The following GRIK1 variants were observed in gnomAD, a reference collection of about 807,000 sequenced individuals.
The protein encoded by GRIK1 is glutamate receptor ionotropic, kainate 1.
A neutral mutation model predicts 105.7 loss-of-function variants in GRIK1; 69 were observed. The ratio of observed to expected loss-of-function variants is 0.65; its 90% CI spans 0.54 to 0.80. GRIK1 has a LOEUF of 0.80. GRIK1 is among the 30% of genes least tolerant of loss of function. The pLI is 0.00. For synonymous variants in GRIK1, 438 were observed against 431.3 expected (o/e 1.02, Z -0.19); for missense variants, 1,109 against 1,167.3 (o/e 0.95, Z 0.73).
chr21:29,765,913 G>A (rs911861114), intron 1 of GRIK1, among the ~76,000 whole-genome samples: 2 of 151,500 alleles, frequency 1.3e-5, no homozygotes, highest in African/African-American at 4.9e-5. Context: ...GTGCAGTGGC[G>A]CGATCTCGGC....
At chr21:29,717,366 C>T (rs2064204088) in intron 1 of GRIK1, among the ~76,000 whole-genome samples, 1 of 152,194 alleles carries the variant, frequency 6.6e-6, no homozygotes, top group Non-Finnish European at 1.5e-5. Context: ...GCACCATGTG[C>T]CTGGAAAAGG....
intron 1 of GRIK1, among the ~76,000 whole-genome samples, chr21:29,792,315 T>C (rs757678145): frequency 1.3e-5 from 2 of 152,190 alleles, no homozygotes; most frequent in Non-Finnish European, 2.9e-5. Context: ...GCCATGATTA[T>C]ATGACACAGA....
chr21:29,894,791 T>G (rs1021465293), intron 1 of GRIK1, among the ~76,000 whole-genome samples: 1 of 152,202 alleles, frequency 6.6e-6, no homozygotes, highest in Non-Finnish European at 1.5e-5. Context: ...CAAAAATTGA[T>G]GAGTGCCCCC....
chr21:29,927,912 A>T (rs1439440675), intron 1 of GRIK1, among the ~76,000 whole-genome samples: 3 of 152,222 alleles, frequency 2.0e-5, no homozygotes, highest in Middle Eastern at 3.4e-3. Context: ...ATATACATAT[A>T]CACACACATA....
At chr21:29,897,312 A>C (rs146185579) in intron 1 of GRIK1, among the ~76,000 whole-genome samples, 235 of 152,332 alleles carry the variant, frequency 1.5e-3, no homozygotes, top group African/African-American at 5.5e-3. Flanking sequence ...CTGACAGTAA[A>C]GCATGCCTGC....
intron 1 of GRIK1, among the ~76,000 whole-genome samples, chr21:29,839,380 G>C (rs1373145946): frequency 6.6e-6 from 1 of 152,094 alleles, no homozygotes; most frequent in Non-Finnish European, 1.5e-5. Flanking sequence ...TTGAGTAAAG[G>C]CTTTGTCCAT....
intron 1 of GRIK1, among the ~76,000 whole-genome samples, chr21:29,932,780 G>T (rs1378072790): frequency 6.6e-6 from 1 of 151,800 alleles, no homozygotes; most frequent in Non-Finnish European, 1.5e-5. Context: ...TAAAAAATCA[G>T]ATAAGCATTT....
chr21:29,623,815 A>T (rs1015264793), intron 7 of GRIK1, among the ~76,000 whole-genome samples: 1 of 152,244 alleles, frequency 6.6e-6, no homozygotes, highest in African/African-American at 2.4e-5. Flanking sequence ...TTCACTAAGT[A>T]TAAAGTGTGG....
intron 4 of GRIK1, among the ~76,000 whole-genome samples, chr21:29,669,894 T>C (rs1034982055): frequency 2.0e-5 from 3 of 152,176 alleles, no homozygotes; most frequent in Non-Finnish European, 4.4e-5. Flanking sequence ...AGTCTCTTTC[T>C]ACAGTTTTTT....
intron 1 of GRIK1, among the ~76,000 whole-genome samples, chr21:29,766,691 A>G (rs913897928): frequency 6.6e-6 from 1 of 152,206 alleles, no homozygotes; most frequent in Non-Finnish European, 1.5e-5. Context: ...GTTCGTGAGC[A>G]TAGTACGATA....
chr21:29,834,842 TA>T lies in GRIK1; in HGVS notation c.118+104540del, dbSNP rs552505930. Reference sequence around the variant, plus strand: ...ATTGAATATTATTTTATTTATTCAATATTACAATTGAATATTATTTTATTTA... The same window carrying T: ...ATTGAATATTATTTTATTTATTCAATTTACAATTGAATATTATTTTATTTA... On this transcript the variant is annotated intron_variant, in intron 1 of 17. Transcript: ENST00000327783. Among the ~76,000 whole-genome samples the T allele has an allele frequency of 2.7e-3, 408 of 150,604 alleles. 1 individual carries two copies. The highest frequency in any genetic ancestry group is 5.2e-3 in the Non-Finnish European group (354 of 67,688).
chr21:29,838,526 G>A (rs916426381), intron 1 of GRIK1, among the ~76,000 whole-genome samples: 6 of 152,114 alleles, frequency 3.9e-5, no homozygotes, highest in South Asian at 2.1e-4. Flanking sequence ...CTGCTCTCCG[G>A]GAGTTCTGGC....
At chr21:29,870,287 A>G (rs891580917) in intron 1 of GRIK1, among the ~76,000 whole-genome samples, 16 of 152,218 alleles carry the variant, frequency 1.1e-4, no homozygotes, top group East Asian at 5.8e-4. Context: ...AACATTTTAT[A>G]TGATTTTCCC....
chr21:29,769,790 G>A (rs1379278795), intron 1 of GRIK1, among the ~76,000 whole-genome samples: 4 of 152,006 alleles, frequency 2.6e-5, no homozygotes, highest in African/African-American at 7.2e-5. Context: ...TCTCCCTTAC[G>A]GCCCTCAGGA....
At position 29,555,082 on chromosome 21, in the gene GRIK1, G is replaced by C; in HGVS notation, c.2577C>G (p.Tyr859Ter). 6.2e-7 allele frequency: 1 copy of C among 1,610,220 alleles called. No individual in the cohort carries two copies. Among genetic ancestry groups the C allele is most frequent in the Non-Finnish European group, 8.5e-7 (1 of 1,176,484 alleles). Residue 859 changes from tyrosine to a stop codon, truncating the protein, a stop_gained, in exon 16 of 18, where the codon TAC (tyrosine) becomes TAG (stop). Coordinates refer to ENST00000327783, the MANE Select transcript of GRIK1 (RefSeq NM_001330994.2). LOFTEE classifies it high-confidence loss of function. ...SVFVAIGEFI[Y>*]KSRKNNDIEQ... Reference sequence around the variant, plus strand: ...CAATATCATTATTCTTCCGTGATTTGTATATGAATTCTCCAATAGCTACAA... The same window carrying C: ...CAATATCATTATTCTTCCGTGATTTCTATATGAATTCTCCAATAGCTACAA...
At chr21:29,568,924 T>C (rs1157546897) in intron 14 of GRIK1, among the ~76,000 whole-genome samples, 1 of 152,260 alleles carries the variant, frequency 6.6e-6, no homozygotes, top group East Asian at 1.9e-4. Context: ...TAAACTGAAT[T>C]GCCTCACTCT....
At chr21:29,737,532 A>G (rs1275710597) in intron 1 of GRIK1, among the ~76,000 whole-genome samples, 1 of 152,242 alleles carries the variant, frequency 6.6e-6, no homozygotes, top group Non-Finnish European at 1.5e-5. Flanking sequence ...TGTTTTTAGC[A>G]CATCAGTTAG....
chr21:29,663,377 A>T (rs1303068204), intron 4 of GRIK1, among the ~76,000 whole-genome samples: 1 of 152,176 alleles, frequency 6.6e-6, no homozygotes, highest in Non-Finnish European at 1.5e-5. Context: ...TCTACCCGTG[A>T]GGGAGCCTCC....
Position 29,889,644 on chromosome 21 carries a change from G to T in GRIK1, c.118+49739C>A, listed in dbSNP as rs1191335027. Among the ~76,000 whole-genome samples the T allele has an allele frequency of 2.6e-5, 4 of 151,922 alleles. No individual in the cohort carries two copies. In the South Asian group the frequency reaches 6.2e-4, roughly 24 times the overall value. On this transcript the variant is annotated intron_variant, in intron 1 of 17. Transcript: ENST00000327783. ...AAAATCTTTGTAACATACATTACAG[G>T]ATCTAAATTACTGCCCAGTAAGGAA...
Sources: gnomAD v4.1 joint callset for allele counts (sites outside exome capture counted in the v4.1 genomes callset) on GRCh38, gnomAD v4.1.1 for gene constraint, MANE v1.5 for transcripts, NCBI Gene and HGNC (gene_info 2026-07-23, HGNC 2026-07-21) for gene names.